The following DENND5B variants were observed in gnomAD, a reference collection of about 807,000 sequenced individuals.
DENND5B encodes the protein DENN domain-containing protein 5B.
DENND5B carries 34 observed loss-of-function variants against 140.6 expected under a neutral mutation model. That is an observed-to-expected ratio of 0.24 (90% confidence interval 0.18 to 0.32). The LOEUF is 0.32. Among genes scored for constraint, DENND5B ranks in the 10% least tolerant of loss-of-function variants. The pLI, the probability that DENND5B is intolerant of heterozygous loss-of-function variation, is 1.00. For missense variants in DENND5B, 1,142 were observed against 1,560.2 expected, an observed-to-expected ratio of 0.73 and a Z score of 4.52; for synonymous variants, 551 against 562.1, an observed-to-expected ratio of 0.98 and a Z score of 0.28.
chr12:31,435,448 C>T lies in DENND5B; in HGVS notation c.2013-2200G>A, dbSNP rs191643592. On this transcript the variant is annotated intron_variant, in intron 7 of 20. Coordinates refer to ENST00000389082, the MANE Select transcript of DENND5B (RefSeq NM_144973.4). ...CCATTAGTCACCTCCTTTGCTGTAT[C>T]GCCAATCTTTTTCTCAGTGGAATCT... 5.4e-4 allele frequency among the ~76,000 whole-genome samples: 82 copies of T among 152,242 alleles called. No individual in the cohort carries two copies. The South Asian group carries it at 8.3e-3, about 15-fold the overall frequency.
chr12:31,516,444 T>C (rs1424988528), intron 1 of DENND5B, among the ~76,000 whole-genome samples: 3 of 147,792 alleles, frequency 2.0e-5, no homozygotes, highest in Non-Finnish European at 4.4e-5. Flanking sequence ...GCCACTCCTC[T>C]CTAGCCTGGA....
intron 7 of DENND5B, among the ~76,000 whole-genome samples, chr12:31,436,955 G>A (rs1298301501): frequency 6.6e-6 from 1 of 152,160 alleles, no homozygotes; most frequent in East Asian, 1.9e-4. Flanking sequence ...AGAGGCCACT[G>A]CTTCCAGAAA....
chr12:31,442,124 A>C (rs1424730378), intron 7 of DENND5B, among the ~76,000 whole-genome samples: 1 of 152,226 alleles, frequency 6.6e-6, no homozygotes, highest in Non-Finnish European at 1.5e-5. Flanking sequence ...TTGCTACCCA[A>C]AGTACTATCC....
chr12:31,569,700 T>C (rs1949752322), intron 1 of DENND5B, among the ~76,000 whole-genome samples: 1 of 152,072 alleles, frequency 6.6e-6, no homozygotes, highest in Non-Finnish European at 1.5e-5. Flanking sequence ...TGATTCCAGC[T>C]ACTCAAGAAG....
chr12:31,499,334 T>C (rs904680705), intron 1 of DENND5B, among the ~76,000 whole-genome samples: 1 of 152,206 alleles, frequency 6.6e-6, no homozygotes. Flanking sequence ...AATAACCTCC[T>C]ACTAAATTGA....
At chr12:31,543,773 C>G (rs557224227) in intron 1 of DENND5B, among the ~76,000 whole-genome samples, 2 of 152,190 alleles carry the variant, frequency 1.3e-5, no homozygotes, top group Non-Finnish European at 2.9e-5. Context: ...GAAAAATAAT[C>G]TACTCAGATC....
At position 31,477,223 on chromosome 12, in the gene DENND5B, G is replaced by A. The variant is rs573934924; in HGVS notation, c.904+2366C>T. ...AGCCTGGGCAACAGGGCGAGACTCT[G>A]TCTTAAAAAAAAAAAAAAGTTATTT... On this transcript the variant is annotated intron_variant, in intron 3 of 20. Coordinates refer to ENST00000389082, the MANE Select transcript of DENND5B (RefSeq NM_144973.4). Among the ~76,000 whole-genome samples the A allele has an allele frequency of 3.5e-3, 379 of 107,070 alleles. 3 individuals are homozygous for A. The highest frequency in any genetic ancestry group is 0.012 in the African/African-American group (362 of 29,380). 70.2% of individuals were successfully genotyped at this position (107,070 alleles called of 152,430 possible).
At position 31,421,147 on chromosome 12, in the gene DENND5B, G is replaced by A. The variant is rs188895424; in HGVS notation, c.2470+2450C>T. Among the ~76,000 whole-genome samples, 51 of 152,230 alleles carry A rather than the reference G, an allele frequency of 3.4e-4. 1 individual carries two copies. The South Asian group carries it at 0.01, about 30-fold the overall frequency. On this transcript the variant is annotated intron_variant, in intron 11 of 20. Transcript: ENST00000389082. ...CAACCTCCATCTTCCAGGTTCAAGC[G>A]ATTCACCTGCTTCACCCTCCTGAGT...
intron 15 of DENND5B, among the ~76,000 whole-genome samples, chr12:31,400,918 C>T (rs969191873): frequency 2.0e-5 from 3 of 151,002 alleles, no homozygotes; most frequent in Non-Finnish European, 4.4e-5. Flanking sequence ...TCTCCGCTCA[C>T]CACAACCTCC....
At chr12:31,483,486 G>T (rs1288003926) in intron 2 of DENND5B, among the ~76,000 whole-genome samples, 1 of 151,806 alleles carries the variant, frequency 6.6e-6, no homozygotes, top group African/African-American at 2.4e-5. Context: ...TGTCACCCAG[G>T]CTGGAGTGCA....
intron 2 of DENND5B, among the ~76,000 whole-genome samples, chr12:31,482,587 TTC>T (rs1486126918): frequency 6.6e-6 from 1 of 152,176 alleles, no homozygotes; most frequent in Non-Finnish European, 1.5e-5. Context: ...CTTTTTTTTT[TTC>T]TTTTTTAGAG....
In DENND5B at chr12:31,588,967, ACAT is replaced by A. The variant is rs146451516; in HGVS notation, c.127+1736_127+1738del. Among the ~76,000 whole-genome samples the A allele has an allele frequency of 6.8e-3, 1,043 of 152,378 alleles. 14 individuals are homozygous for A. The highest frequency in any genetic ancestry group is 0.024 in the African/African-American group (999 of 41,590). On this transcript the variant is annotated intron_variant, in intron 1 of 20. Transcript: ENST00000389082. The stretch of plus-strand genomic sequence containing the variant: ...CACTCACACAGTTTTGCAAAAAGAG[ACAT>A]CATAGTTTGTTTCTTAAAAATGCAT...
At chr12:31,431,451 T>G (rs1342558988) in intron 8 of DENND5B, among the ~76,000 whole-genome samples, 1 of 151,994 alleles carries the variant, frequency 6.6e-6, no homozygotes, top group African/African-American at 2.4e-5. Context: ...AAGTCAGGAG[T>G]CTTGGGCTAT....
At chr12:31,421,004 C>T (rs1027603738) in intron 11 of DENND5B, among the ~76,000 whole-genome samples, 8 of 152,156 alleles carry the variant, frequency 5.3e-5, no homozygotes, top group Non-Finnish European at 1.2e-4. Context: ...CTAGTCTCAT[C>T]ATGATTCAGT....
At chr12:31,583,709 A>T (rs1190539516) in intron 1 of DENND5B, among the ~76,000 whole-genome samples, 1 of 132,636 alleles carries the variant, frequency 7.5e-6, no homozygotes. Flanking sequence ...AAAAACAAAC[A>T]ACAACAACAA....
intron 1 of DENND5B, among the ~76,000 whole-genome samples, chr12:31,507,188 T>C (rs1196238585): frequency 6.6e-6 from 1 of 152,148 alleles, no homozygotes; most frequent in Non-Finnish European, 1.5e-5. Context: ...ATTCCTTTTT[T>C]TTTTTTAGAG....
At chr12:31,420,775 A>C (rs752781104) in intron 11 of DENND5B, among the ~76,000 whole-genome samples, 6 of 152,100 alleles carry the variant, frequency 3.9e-5, no homozygotes, top group Non-Finnish European at 8.8e-5. Context: ...AAAACTTTTG[A>C]GTGATATGTC....
chr12:31,588,087 C>G (rs1950460572), intron 1 of DENND5B, among the ~76,000 whole-genome samples: 1 of 152,226 alleles, frequency 6.6e-6, no homozygotes, highest in Non-Finnish European at 1.5e-5. Flanking sequence ...TACTCTCCCT[C>G]TCCCTCAGCT....
At chr12:31,580,715 A>C (rs1950184656) in intron 1 of DENND5B, among the ~76,000 whole-genome samples, 1 of 152,182 alleles carries the variant, frequency 6.6e-6, no homozygotes, top group South Asian at 2.1e-4. Context: ...GCATGCTCAC[A>C]AACTCCTGAC....
Sources: gnomAD v4.1 joint callset for allele counts (sites outside exome capture counted in the v4.1 genomes callset) on GRCh38, gnomAD v4.1.1 for gene constraint, MANE v1.5 for transcripts, NCBI Gene and HGNC (gene_info 2026-07-23, HGNC 2026-07-21) for gene names.